Variants in FOXP2 observed in about 807,000 individuals in gnomAD.
FOXP2 encodes the protein forkhead box protein P2.
A neutral mutation model predicts 115.8 loss-of-function variants in FOXP2; 12 were observed. The observed-to-expected ratio is 0.10, with a 90% CI of 0.07 to 0.17. The LOEUF (loss-of-function observed/expected upper bound fraction) is 0.17, where lower values mean the gene tolerates loss of function less well. FOXP2 is among the 10% of genes least tolerant of loss of function. The pLI, the probability that FOXP2 is intolerant of heterozygous loss-of-function variation, is 1.00. For synonymous variants in FOXP2, 328 were observed against 297.7 expected (o/e 1.10, Z -1.05); for missense variants, 629 against 843.5 (o/e 0.75, Z 3.15).
At chr7:114,094,903 C>T (rs763142954) in intron 1 of FOXP2, among the ~76,000 whole-genome samples, 1 of 152,122 alleles carries the variant, frequency 6.6e-6, no homozygotes, top group Non-Finnish European at 1.5e-5. Context: ...ACTATTAACT[C>T]ACACCTACTC....
chr7:114,254,554 C>T (rs924733601), intron 1 of FOXP2, among the ~76,000 whole-genome samples: 1 of 152,164 alleles, frequency 6.6e-6, no homozygotes, highest in African/African-American at 2.4e-5. Flanking sequence ...GATCTTCAAT[C>T]ACTGATACCC....
chr7:114,535,313 C>T (rs887459541), intron 3 of FOXP2, among the ~76,000 whole-genome samples: 2 of 150,456 alleles, frequency 1.3e-5, no homozygotes, highest in Admixed American at 1.3e-4. Context: ...GTCTTCTTAA[C>T]CAAAATATGT....
intron 2 of FOXP2, among the ~76,000 whole-genome samples, chr7:114,388,211 C>T (rs1314348247): frequency 1.3e-5 from 2 of 152,114 alleles, no homozygotes; most frequent in Non-Finnish European, 2.9e-5. Context: ...TTCTCACACT[C>T]TTATCAGATT....
At chr7:114,390,942 A>C (rs965493897) in intron 2 of FOXP2, among the ~76,000 whole-genome samples, 1 of 152,118 alleles carries the variant, frequency 6.6e-6, no homozygotes, top group African/African-American at 2.4e-5. Context: ...TAATCCCAGC[A>C]CTTTGGGAGG....
intron 2 of FOXP2, among the ~76,000 whole-genome samples, chr7:114,407,924 C>G (rs1793072990): frequency 6.6e-6 from 1 of 152,094 alleles, no homozygotes; most frequent in South Asian, 2.1e-4. Flanking sequence ...TCATCAAGGA[C>G]AGCTTTCTCA....
At chr7:114,287,051 T>C (rs1796483117) in intron 1 of FOXP2, among the ~76,000 whole-genome samples, 1 of 152,030 alleles carries the variant, frequency 6.6e-6, no homozygotes, top group African/African-American at 2.4e-5. Context: ...GAACTTCCTG[T>C]GGCAGATTCA....
chr7:114,347,991 C>A (rs772301179), intron 2 of FOXP2, among the ~76,000 whole-genome samples: 1 of 151,954 alleles, frequency 6.6e-6, no homozygotes, highest in Non-Finnish European at 1.5e-5. Flanking sequence ...AAGTCAACTA[C>A]AGAACTCAAA....
chr7:114,135,616 T>C (rs1792017816), intron 1 of FOXP2, among the ~76,000 whole-genome samples: 1 of 152,144 alleles, frequency 6.6e-6, no homozygotes, highest in Middle Eastern at 3.2e-3. Flanking sequence ...AGCTTTTTGG[T>C]AAATATAAAT....
chr7:114,477,661 T>A (rs1224184226), intron 2 of FOXP2, among the ~76,000 whole-genome samples: 1 of 151,760 alleles, frequency 6.6e-6, no homozygotes, highest in Admixed American at 6.6e-5. Context: ...GAAAGTAATC[T>A]CTCTATATAT....
At chr7:114,153,076 T>C (rs990266799) in intron 1 of FOXP2, among the ~76,000 whole-genome samples, 3 of 152,162 alleles carry the variant, frequency 2.0e-5, no homozygotes, top group African/African-American at 7.2e-5. Flanking sequence ...AATTGTCAAA[T>C]AGTAATGTAA....
At chr7:114,330,013 T>TGATA (rs1200827128) in intron 2 of FOXP2, among the ~76,000 whole-genome samples, 1 of 152,184 alleles carries the variant, frequency 6.6e-6, no homozygotes, top group Non-Finnish European at 1.5e-5. Context: ...TAGTTACATA[T>TGATA]GATAACTGTT....
chr7:114,613,257 C>T (rs1238285657), intron 3 of FOXP2, among the ~76,000 whole-genome samples: 2 of 152,156 alleles, frequency 1.3e-5, no homozygotes, highest in Non-Finnish European at 2.9e-5. Flanking sequence ...GTCCCATAGA[C>T]AGTTCCCTTC....
intron 3 of FOXP2, among the ~76,000 whole-genome samples, chr7:114,574,604 A>G (rs745479609): frequency 9.2e-5 from 14 of 151,816 alleles, no homozygotes; most frequent in Non-Finnish European, 1.5e-5. Context: ...CTCTCTAACT[A>G]TACCCTGTTG....
At chr7:114,582,009 C>T (rs1433542407) in intron 3 of FOXP2, among the ~76,000 whole-genome samples, 1 of 152,036 alleles carries the variant, frequency 6.6e-6, no homozygotes, top group Non-Finnish European at 1.5e-5. Flanking sequence ...AGGAAAAATG[C>T]TGCTAAAGGG....
At chr7:114,327,976 A>T (rs1315783992) in intron 2 of FOXP2, among the ~76,000 whole-genome samples, 1 of 151,508 alleles carries the variant, frequency 6.6e-6, no homozygotes, top group African/African-American at 2.4e-5. Context: ...CTTGGAGTCC[A>T]GTGGCACTAT....
At chr7:114,673,733 C>T (rs1026690199) in intron 16 of FOXP2, among the ~76,000 whole-genome samples, 11 of 151,898 alleles carry the variant, frequency 7.2e-5, no homozygotes, top group African/African-American at 2.7e-4. Context: ...GAGTTTTGCT[C>T]TTGTTGCCCA....
At chr7:114,283,008 T>A (rs1273820489) in intron 1 of FOXP2, among the ~76,000 whole-genome samples, 1 of 152,184 alleles carries the variant, frequency 6.6e-6, no homozygotes, top group African/African-American at 2.4e-5. Flanking sequence ...ATTACTTTTT[T>A]AAAATTCCGT....
intron 1 of FOXP2, among the ~76,000 whole-genome samples, chr7:114,163,340 A>G (rs1299689602): frequency 2.6e-5 from 4 of 152,126 alleles, no homozygotes; most frequent in Non-Finnish European, 4.4e-5. Context: ...AGAGCCGTTA[A>G]GAATTTTGAG....
chr7:114,647,399 T>A (rs1805972200), intron 8 of FOXP2, among the ~76,000 whole-genome samples: 1 of 151,356 alleles, frequency 6.6e-6, no homozygotes, highest in South Asian at 2.1e-4. Flanking sequence ...TATATATTTA[T>A]GTGTTATATA....
Sources: allele counts gnomAD v4.1 joint callset (sites outside exome capture counted in the v4.1 genomes callset), GRCh38; gene constraint gnomAD v4.1.1; transcripts MANE v1.5; gene names NCBI Gene and HGNC (gene_info 2026-07-23, HGNC 2026-07-21).